The following COL18A1 variants were observed in gnomAD, a reference collection of about 807,000 sequenced individuals.
COL18A1 encodes the protein collagen type XVIII alpha 1 chain.
Under a neutral mutation model 168.0 loss-of-function variants are expected in COL18A1, and 133 were observed. That is an observed-to-expected ratio of 0.79 (90% CI 0.69 to 0.91). The LOEUF is 0.91. COL18A1 is among the 40% of genes least tolerant of loss of function. The pLI is 0.00. For synonymous variants in COL18A1, 949 were observed against 809.0 expected, an observed-to-expected ratio of 1.17 and a Z score of -2.94; for missense variants, 2,126 against 1,925.4, an observed-to-expected ratio of 1.10 and a Z score of -1.95.
intron 2 of COL18A1, among the ~76,000 whole-genome samples, chr21:45,446,609 T>C (rs1160449242): frequency 2.0e-5 from 3 of 152,212 alleles, no homozygotes; most frequent in Non-Finnish European, 4.4e-5. Context: ...ACAAACTCTT[T>C]CAAAAGACTA....
In COL18A1 at chr21:45,480,753, C is replaced by T. The variant is rs561350566; in HGVS notation, c.1506C>T (p.Pro502=). 4.5e-5 allele frequency: 73 copies of T among 1,610,754 alleles called. No individual in the cohort carries two copies. The East Asian group carries it at 9.6e-4, about 21-fold the overall frequency. The part of the protein sequence containing the change: ...PPGPPGVPGL[P]GEPGRFGVNS... ...GACCCCCCGGTGTCCCAGGCCTGCC[C>T]GGCGAGCCAGGCCGCTTTGGGGTGA... Residue 502 remains proline, a synonymous_variant, in exon 13 of 42, where the codon CCC becomes CCT. Coordinates refer to ENST00000651438, the MANE Select transcript of COL18A1 (RefSeq NM_001379500.1).
chr21:45,487,399 C>T (rs1478928563), intron 16 of COL18A1, 48 bp from the exon 17 acceptor site: 2 of 1,605,314 alleles, frequency 1.2e-6, no homozygotes, highest in Middle Eastern at 2.0e-4. Context: ...AGGGGTCCTT[C>T]CCTAAGAAGG....
chr21:45,422,607 G>A, intron 2 of COL18A1: 1 of 408,610 alleles, frequency 2.4e-6, no homozygotes, highest in Non-Finnish European at 5.1e-6. Context: ...CACAGTGGGT[G>A]GCACGGGCTC....
chr21:45,456,150 G>C lies in COL18A1; in HGVS notation c.107-12092G>C, dbSNP rs547769296. 6 of 1,583,928 alleles carry C rather than the reference G, an allele frequency of 3.8e-6. No individual in the cohort carries two copies. The African/African-American group carries it at 8.1e-5, about 21-fold the overall frequency. On this transcript the variant is annotated intron_variant, in intron 2 of 41. Coordinates refer to ENST00000651438, the MANE Select transcript of COL18A1 (RefSeq NM_001379500.1). The stretch of plus-strand genomic sequence containing the variant: ...GGCAGGCCCTGGGCACCACTCACGG[G>C]GCCCTCAGTGCCACCACCATCTTCA...
Position 45,405,471 on chromosome 21 carries a change from C to T in COL18A1, c.104C>T (p.Pro35Leu). The change falls in exon 2 of 42, where the codon CCA becomes CTA. Residue 35 changes from proline (P) to leucine (L), a missense_variant and splice_region_variant. Transcript: ENST00000651438. ...GGGGTCCGCGCGGCCTCCGCGGAGC[C>T]AGGTAAGACCCGGGCGGGACGGGAA... ...LLGVRAASAE[P>L]ERISEEVGLL... The T allele has an allele frequency of 7.3e-7, 1 of 1,370,182 alleles. No homozygotes were observed. Among genetic ancestry groups the T allele is most frequent in the East Asian group, 3.4e-5 (1 of 29,038 alleles). The allele number at this position is 1,370,182 out of a possible 1,614,324, so 84.9% of individuals were successfully genotyped here.
At chr21:45,421,622 G>A (rs745769758) in intron 2 of COL18A1, 1 of 530,578 alleles carries the variant, frequency 1.9e-6, no homozygotes, top group Admixed American at 1.9e-5. Context: ...CTGCAGGCCT[G>A]GAAGGTGTGG....
In COL18A1 at chr21:45,405,849, G is replaced by A. The variant is rs2033087021; in HGVS notation, c.106+376G>A. 2.0e-5 allele frequency among the ~76,000 whole-genome samples: 3 copies of A among 151,844 alleles called. 1 individual carries two copies. In the East Asian group the frequency reaches 5.8e-4, roughly 29 times the overall value. On this transcript the variant is annotated intron_variant, in intron 2 of 41. Transcript: ENST00000651438. Reference sequence around the variant, plus strand: ...CTCGTCCCCGCAGCGCCGGGTCCCGGGACTGACCGCGGGCGGAAGGCGGCG... The same window carrying A: ...CTCGTCCCCGCAGCGCCGGGTCCCGAGACTGACCGCGGGCGGAAGGCGGCG...
chr21:45,427,481 G>A (rs1351956358), intron 2 of COL18A1, among the ~76,000 whole-genome samples: 2 of 152,134 alleles, frequency 1.3e-5, no homozygotes, highest in African/African-American at 4.8e-5. Flanking sequence ...TGTGTGCCCG[G>A]GTGCCGTGCC....
At chr21:45,483,333 C>T (rs773838675) in intron 15 of COL18A1, among the ~76,000 whole-genome samples, 8 of 152,216 alleles carry the variant, frequency 5.3e-5, no homozygotes, top group Admixed American at 1.3e-4. Flanking sequence ...GTGTCCTTGG[C>T]GGCCCTGGCC....
At chr21:45,495,948 T>A (rs1489797397) in intron 29 of COL18A1, 2 of 327,964 alleles carry the variant, frequency 6.1e-6, no homozygotes, top group East Asian at 1.6e-4. Flanking sequence ...ACATGTATAC[T>A]CATGCACACA....
At chr21:45,503,683 G>A (rs2036997174) in intron 32 of COL18A1, among the ~76,000 whole-genome samples, 1 of 151,160 alleles carries the variant, frequency 6.6e-6, no homozygotes, top group Non-Finnish European at 1.5e-5. Context: ...TATACCTAAT[G>A]CTAGATGACG....
At chr21:45,459,153 T>G (rs2034956323) in intron 2 of COL18A1, among the ~76,000 whole-genome samples, 1 of 152,150 alleles carries the variant, frequency 6.6e-6, no homozygotes, top group Admixed American at 6.5e-5. Flanking sequence ...CCTTCCCAGG[T>G]GTGGCCTGGC....
Position 45,475,548 on chromosome 21 carries a change from AC to A in COL18A1, c.798+14del. 3 of 1,601,052 alleles carry A rather than the reference AC, an allele frequency of 1.9e-6. No individual in the cohort carries two copies. The highest frequency in any genetic ancestry group is 2.6e-6 in the Non-Finnish European group (3 of 1,175,556). Reference sequence around the variant, plus strand: ...CAGGGAGGAGACGGTGAGTAGCCGGACGGGGCCCAGCCCACGCTGCAGGGTC... The same window carrying A: ...CAGGGAGGAGACGGTGAGTAGCCGGAGGGGCCCAGCCCACGCTGCAGGGTC... On this transcript the variant is annotated intron_variant, in intron 5 of 41. Coordinates refer to ENST00000651438, the MANE Select transcript of COL18A1 (RefSeq NM_001379500.1).
Position 45,473,785 on chromosome 21 carries a change from G to A in COL18A1, c.652-110G>A, listed in dbSNP as rs1454792704. Reference sequence around the variant, plus strand: ...GCTGCCCGAGACCCCTTCCCTCTCCGAGACTCTCCTGCCCTTTGTGGGCCC... The same window carrying A: ...GCTGCCCGAGACCCCTTCCCTCTCCAAGACTCTCCTGCCCTTTGTGGGCCC... On this transcript the variant is annotated intron_variant, in intron 3 of 41. Coordinates refer to ENST00000651438, the MANE Select transcript of COL18A1 (RefSeq NM_001379500.1). This position sits in a 1 kb window ranked among gnomAD's most constrained non-coding sequence, Gnocchi z 4.0. 4.4e-6 allele frequency: 4 copies of A among 902,234 alleles called. No individual in the cohort carries two copies. Among genetic ancestry groups the A allele is most frequent in the African/African-American group, 1.6e-5 (1 of 60,760 alleles). The allele number at this position is 902,234 out of a possible 1,614,324, so 55.9% of individuals were successfully genotyped here. A position where few individuals can be genotyped will look rare whatever the true frequency, so the allele number is the denominator to read the frequency against.
intron 4 of COL18A1, among the ~76,000 whole-genome samples, chr21:45,475,129 G>C (rs374562059): frequency 5.7e-4 from 87 of 152,346 alleles, no homozygotes; most frequent in African/African-American, 1.9e-3. Context: ...AAACCTGTGC[G>C]GGGAGCATCT....
chr21:45,498,096 AC>A lies in COL18A1; in HGVS notation c.2683+439del. The A allele has an allele frequency of 1.6e-6, 1 of 617,544 alleles. No individual in the cohort carries two copies. The highest frequency in any genetic ancestry group is 2.7e-5 in the Admixed American group (1 of 36,590). 38.3% of individuals were successfully genotyped at this position (617,544 alleles called of 1,614,324 possible). On this transcript the variant is annotated intron_variant, in intron 32 of 41. Coordinates refer to ENST00000651438, the MANE Select transcript of COL18A1 (RefSeq NM_001379500.1). The surrounding 1 kb of genome is among the most constrained non-coding windows in gnomAD (Gnocchi z 4.5). The stretch of plus-strand genomic sequence containing the variant: ...AGGCCGTCTGGAGGGTGAGCCCAGC[AC>A]CCCTGCTCCCCCAAAGGACAAGAAT...
chr21:45,495,201 G>C (rs1428465596), intron 28 of COL18A1, 157 bp from the exon 29 acceptor site: 3 of 699,712 alleles, frequency 4.3e-6, no homozygotes, highest in Non-Finnish European at 7.7e-6. Context: ...GTGCAGGAAA[G>C]GGGTGAGAAG....
At position 45,436,927 on chromosome 21, in the gene COL18A1, C is replaced by T. The variant is rs191474997; in HGVS notation, c.107-31315C>T. 4.2e-3 allele frequency among the ~76,000 whole-genome samples: 616 copies of T among 146,352 alleles called. 3 individuals are homozygous for T. The highest frequency in any genetic ancestry group is 0.015 in the African/African-American group (592 of 38,408). On this transcript the variant is annotated intron_variant, in intron 2 of 41. Transcript: ENST00000651438. The stretch of plus-strand genomic sequence containing the variant: ...TGGCTAGGGAGGGGCTGGCTAGGGG[C>T]GAGCCGGGCTGCGCGGGGCCCTGGC...
intron 24 of COL18A1, among the ~76,000 whole-genome samples, 195 bp downstream of exon 24, chr21:45,492,908 C>T (rs2036403537): frequency 1.3e-5 from 2 of 152,194 alleles, no homozygotes; most frequent in Admixed American, 6.5e-5. Flanking sequence ...GGTGGGCACC[C>T]GTGAGGGTGA....
Sources: allele counts gnomAD v4.1 joint callset (sites outside exome capture counted in the v4.1 genomes callset), GRCh38; gene constraint gnomAD v4.1.1; non-coding constraint Gnocchi (gnomAD v3.1); transcripts MANE v1.5; gene names NCBI Gene and HGNC (gene_info 2026-07-23, HGNC 2026-07-21).